CNTN4: variants seen among roughly 807,000 people sequenced by gnomAD.
The protein encoded by CNTN4 is contactin-4.
Under a neutral mutation model 122.5 loss-of-function variants are expected in CNTN4, and 77 were observed. That is an observed-to-expected ratio of 0.63 (90% CI 0.52 to 0.76). The LOEUF (loss-of-function observed/expected upper bound fraction) is 0.76, where lower values mean the gene tolerates loss of function less well. Ranked by LOEUF, CNTN4 falls within the 30% of genes least tolerant of loss-of-function variation. The pLI is 0.00. For synonymous variants in CNTN4, 512 were observed against 447.0 expected, an observed-to-expected ratio of 1.15 and a Z score of -1.83; for missense variants, 1,256 against 1,259.1, an observed-to-expected ratio of 1.00 and a Z score of 0.04.
intron 4 of CNTN4, among the ~76,000 whole-genome samples, chr3:2,607,713 A>C (rs985920574): frequency 6.6e-6 from 1 of 151,608 alleles, no homozygotes; most frequent in African/African-American, 2.4e-5. Flanking sequence ...GGTAGAAGAG[A>C]GAAAGGAGGA....
chr3:2,393,492 A>G (rs1300489503), intron 3 of CNTN4, among the ~76,000 whole-genome samples: 1 of 152,170 alleles, frequency 6.6e-6, no homozygotes, highest in African/African-American at 2.4e-5. Context: ...ACAGATGTAT[A>G]TATTTCTGTC....
intron 3 of CNTN4, among the ~76,000 whole-genome samples, chr3:2,547,230 A>ATATATATT (rs1244291600): frequency 6.9e-6 from 1 of 144,244 alleles, no homozygotes; most frequent in East Asian, 2.1e-4. Context: ...GTTTTGTATG[A>ATATATATT]TATTTATTTA....
chr3:2,401,290 G>A (rs2046848989), intron 3 of CNTN4, among the ~76,000 whole-genome samples: 1 of 152,020 alleles, frequency 6.6e-6, no homozygotes, highest in Admixed American at 6.6e-5. Flanking sequence ...AGCCTGCTAG[G>A]GAAGGAGTCA....
intron 3 of CNTN4, among the ~76,000 whole-genome samples, chr3:2,397,185 T>G (rs527815292): frequency 5.8e-4 from 88 of 152,336 alleles, no homozygotes; most frequent in Non-Finnish European, 8.8e-4. Flanking sequence ...CACCATGGAT[T>G]GAAGTTGTGC....
intron 3 of CNTN4, among the ~76,000 whole-genome samples, chr3:2,442,473 A>AT (rs374725809): frequency 7.9e-5 from 12 of 151,718 alleles, no homozygotes; most frequent in South Asian, 4.2e-4. Context: ...AAATTTTAAG[A>AT]TTTTTTTTTA....
chr3:2,468,529 T>C (rs961954274), intron 3 of CNTN4, among the ~76,000 whole-genome samples: 7 of 152,176 alleles, frequency 4.6e-5, no homozygotes, highest in Non-Finnish European at 7.3e-5. Flanking sequence ...GGCTGTTGTG[T>C]CTGGGATCTA....
At chr3:2,584,113 C>G (rs1157724606) in intron 4 of CNTN4, among the ~76,000 whole-genome samples, 1 of 152,174 alleles carries the variant, frequency 6.6e-6, no homozygotes, top group East Asian at 1.9e-4. Flanking sequence ...GCCCTATAGT[C>G]AGCACTTAAT....
At chr3:2,623,075 C>T (rs2082050195) in intron 4 of CNTN4, among the ~76,000 whole-genome samples, 1 of 152,194 alleles carries the variant, frequency 6.6e-6, no homozygotes, top group East Asian at 1.9e-4. Context: ...TATTTACTCT[C>T]ACCTTAATAA....
chr3:2,327,446 C>A (rs931815230), intron 2 of CNTN4, among the ~76,000 whole-genome samples: 5 of 152,110 alleles, frequency 3.3e-5, no homozygotes, highest in Non-Finnish European at 5.9e-5. Flanking sequence ...ACATATGGAT[C>A]TTTAAGATTT....
chr3:2,824,619 G>A (rs868147128), intron 7 of CNTN4, among the ~76,000 whole-genome samples: 6 of 152,226 alleles, frequency 3.9e-5, no homozygotes, highest in Admixed American at 6.5e-5. Context: ...CAAGCCGAAG[G>A]GCTGAGCATT....
intron 2 of CNTN4, among the ~76,000 whole-genome samples, chr3:2,181,718 A>G (rs529298965): frequency 2.6e-5 from 4 of 152,272 alleles, no homozygotes; most frequent in African/African-American, 4.8e-5. Flanking sequence ...GTTTTCAACT[A>G]CCATATTGTC....
intron 10 of CNTN4, among the ~76,000 whole-genome samples, chr3:2,896,996 G>A (rs2094122630): frequency 6.7e-6 from 1 of 149,452 alleles, no homozygotes; most frequent in Non-Finnish European, 1.5e-5. Flanking sequence ...AAGGCCTAAG[G>A]CATATGTTGG....
chr3:2,114,515 G>T (rs528288837), intron 2 of CNTN4, among the ~76,000 whole-genome samples: 9 of 152,176 alleles, frequency 5.9e-5, no homozygotes, highest in Admixed American at 1.3e-4. Flanking sequence ...ATGGCCATGG[G>T]CTTATGAGGA....
intron 3 of CNTN4, among the ~76,000 whole-genome samples, chr3:2,364,584 T>A (rs2045297874): frequency 6.6e-6 from 1 of 152,012 alleles, no homozygotes; most frequent in Non-Finnish European, 1.5e-5. Flanking sequence ...TCTTTTAATC[T>A]AGTTGAGTCC....
intron 2 of CNTN4, among the ~76,000 whole-genome samples, chr3:2,287,543 C>A (rs1272662009): frequency 6.6e-6 from 1 of 151,260 alleles, no homozygotes; most frequent in Non-Finnish European, 1.5e-5. Flanking sequence ...ATCAAGGCTG[C>A]AGTGAGCTGT....
rs34364522 is a variant in CNTN4, at chr3:2,190,806, G to GCACACA, written c.-145+90190_-145+90195dup. Among the ~76,000 whole-genome samples, 1,366 of 147,580 alleles carry GCACACA rather than the reference G, an allele frequency of 9.3e-3. 11 individuals carry two copies. Among genetic ancestry groups the GCACACA allele is most frequent in the African/African-American group, 0.029 (1,140 of 39,590 alleles). ...ATACAGCTTAAGGTGAGGACTTTAT[G>GCACACA]CACACACACACACACACACACACAC... On this transcript the variant is annotated intron_variant, in intron 2 of 24. Coordinates refer to ENST00000418658, the MANE Select transcript of CNTN4 (RefSeq NM_175607.3).
intron 2 of CNTN4, among the ~76,000 whole-genome samples, chr3:2,310,265 G>A (rs534548207): frequency 6.6e-6 from 1 of 152,204 alleles, no homozygotes; most frequent in African/African-American, 2.4e-5. Context: ...ATAAACTTCA[G>A]TTTTCTCTTC....
intron 3 of CNTN4, among the ~76,000 whole-genome samples, chr3:2,390,706 C>A (rs564359573): frequency 6.6e-6 from 1 of 152,026 alleles, no homozygotes; most frequent in African/African-American, 2.4e-5. Context: ...CTTCCTTTGA[C>A]GTAAAACAAT....
intron 4 of CNTN4, among the ~76,000 whole-genome samples, chr3:2,647,361 A>G (rs945647582): frequency 1.3e-5 from 2 of 151,362 alleles, no homozygotes; most frequent in Non-Finnish European, 2.9e-5. Context: ...AGCCTGGGCA[A>G]CGAGAGCGAA....
Sources: gnomAD v4.1 joint callset for allele counts (sites outside exome capture counted in the v4.1 genomes callset) on GRCh38, gnomAD v4.1.1 for gene constraint, MANE v1.5 for transcripts, NCBI Gene and HGNC (gene_info 2026-07-23, HGNC 2026-07-21) for gene names.